Variants in PCDHGA2 observed in about 807,000 individuals in gnomAD.
The protein encoded by PCDHGA2 is protocadherin gamma subfamily A, 2.
PCDHGA2 carries 40 observed loss-of-function variants against 59.2 expected under a neutral mutation model. The observed-to-expected ratio is 0.68, with a 90% CI of 0.52 to 0.88. The LOEUF (loss-of-function observed/expected upper bound fraction) is 0.88. Among genes scored for constraint, PCDHGA2 ranks in the 40% least tolerant of loss-of-function variants. PCDHGA2 has a pLI of 0.00. For synonymous variants in PCDHGA2, 560 were observed against 526.0 expected (o/e 1.06, Z -0.89); for missense variants, 1,226 against 1,204.0 (o/e 1.02, Z -0.27).
At chr5:141,371,947 G>C in intron 1 of PCDHGA2, 1 of 1,613,300 alleles carries the variant, frequency 6.2e-7, no homozygotes, top group Non-Finnish European at 8.5e-7. Context: ...TTCGCGCAGC[G>C]AGCCTTCGAC....
At chr5:141,483,648 T>TTGTGTGTGTG (rs111458813) in intron 1 of PCDHGA2, among the ~76,000 whole-genome samples, 23 of 149,708 alleles carry the variant, frequency 1.5e-4, no homozygotes, top group African/African-American at 3.9e-4. Context: ...GGGTGTGTGT[T>TTGTGTGTGTG]TGTGTGTGTG....
chr5:141,353,837 G>A (rs1434826134), intron 1 of PCDHGA2, among the ~76,000 whole-genome samples: 1 of 152,124 alleles, frequency 6.6e-6, no homozygotes, highest in East Asian at 1.9e-4. Flanking sequence ...TGCGGTCTTT[G>A]AGGATTGTGA....
In PCDHGA2 at chr5:141,477,854, C is replaced by G; in HGVS notation, c.2425-16953C>G. 3.1e-6 allele frequency: 5 copies of G among 1,614,098 alleles called. No individual in the cohort carries two copies. Among genetic ancestry groups the G allele is most frequent in the Non-Finnish European group, 4.2e-6 (5 of 1,180,004 alleles). ...GCCAGGTGGGAGCTCGGTGGAGATG[C>G]TGCCTCGAGGTACCTCAGCTGGCCA... On this transcript the variant is annotated intron_variant, in intron 1 of 3. Transcript: ENST00000394576. This position sits in a 1 kb window ranked among gnomAD's most constrained non-coding sequence, Gnocchi z 4.9.
intron 1 of PCDHGA2, chr5:141,371,246 T>G: frequency 6.2e-7 from 1 of 1,614,006 alleles, no homozygotes; most frequent in South Asian, 1.1e-5. Flanking sequence ...TCATCAATAT[T>G]GGCAAGGAAG....
intron 1 of PCDHGA2, among the ~76,000 whole-genome samples, chr5:141,357,952 G>C (rs1760771820): frequency 6.6e-6 from 1 of 152,188 alleles, no homozygotes; most frequent in Non-Finnish European, 1.5e-5. Flanking sequence ...CACTTTGGGA[G>C]TGTGAGGAGG....
intron 1 of PCDHGA2, among the ~76,000 whole-genome samples, chr5:141,461,046 G>A (rs984653754): frequency 6.6e-6 from 1 of 151,578 alleles, no homozygotes; most frequent in Non-Finnish European, 1.5e-5. Context: ...AGTCGATGGG[G>A]ACTTAGGTTG....
At chr5:141,410,351 C>G in intron 1 of PCDHGA2, 1 of 1,614,066 alleles carries the variant, frequency 6.2e-7, no homozygotes. Flanking sequence ...GCGCCTGCGA[C>G]GCTCTCTCAG....
intron 1 of PCDHGA2, among the ~76,000 whole-genome samples, chr5:141,482,799 C>T (rs933003208): frequency 6.6e-6 from 1 of 152,086 alleles, no homozygotes; most frequent in Non-Finnish European, 1.5e-5. Flanking sequence ...TGGCCGGGTA[C>T]GGTGGCTCAT....
At chr5:141,428,081 C>G (rs768842388) in intron 1 of PCDHGA2, 3 of 1,609,218 alleles carry the variant, frequency 1.9e-6, no homozygotes, top group South Asian at 2.2e-5. Context: ...CGGGACACAA[C>G]GCTTGGCTGT....
At chr5:141,408,816 A>T in intron 1 of PCDHGA2, 1 of 1,613,562 alleles carries the variant, frequency 6.2e-7, no homozygotes, top group East Asian at 2.2e-5. Flanking sequence ...CGGGAAGAAC[A>T]GAGATCTCAT....
intron 1 of PCDHGA2, chr5:141,413,704 A>C (rs749988351): frequency 6.2e-7 from 1 of 1,613,616 alleles, no homozygotes; most frequent in South Asian, 1.1e-5. Flanking sequence ...CTATCAGCTC[A>C]GCCCCAATAA....
chr5:141,355,294 C>G, intron 1 of PCDHGA2: 1 of 1,613,896 alleles, frequency 6.2e-7, no homozygotes, highest in Non-Finnish European at 8.5e-7. Flanking sequence ...CGAACAGATT[C>G]TCTACTCGGT....
chr5:141,431,561 G>C lies in PCDHGA2; in HGVS notation c.2425-63246G>C. On this transcript the variant is annotated intron_variant, in intron 1 of 3. Transcript: ENST00000394576. The surrounding 1 kb of genome is among the most constrained non-coding windows in gnomAD (Gnocchi z 4.8). ...GCAGCTGCTTGTAGTCAACGCTACC[G>C]ACCCTGACGAAGGAGTCAATGCGGA... 6.2e-7 allele frequency: 1 copy of C among 1,614,146 alleles called. No homozygotes were observed. The highest frequency in any genetic ancestry group is 1.1e-5 in the South Asian group (1 of 91,080).
chr5:141,463,653 G>A (rs1378583183), intron 1 of PCDHGA2, among the ~76,000 whole-genome samples: 2 of 151,764 alleles, frequency 1.3e-5, no homozygotes, highest in Admixed American at 6.6e-5. Context: ...GGGTTTCACC[G>A]TGTTAGCCAG....
intron 1 of PCDHGA2, among the ~76,000 whole-genome samples, chr5:141,444,203 C>A (rs2098425806): frequency 1.3e-5 from 1 of 79,180 alleles, no homozygotes; most frequent in Admixed American, 2.0e-4. Context: ...TGGAGTTTCA[C>A]TCTTGTTGCC....
chr5:141,344,301 A>G (rs1757399190), intron 1 of PCDHGA2: 14 of 1,614,106 alleles, frequency 8.7e-6, no homozygotes, highest in Non-Finnish European at 1.0e-5. Context: ...CGCGGAGAGG[A>G]TAGACCGGGA....
chr5:141,482,661 T>A (rs1215403061), intron 1 of PCDHGA2, among the ~76,000 whole-genome samples: 2 of 151,742 alleles, frequency 1.3e-5, no homozygotes, highest in African/African-American at 4.9e-5. Flanking sequence ...TGAGCTATGA[T>A]CTAAAGGTTG....
At chr5:141,374,976 C>T (rs774690686) in intron 1 of PCDHGA2, 1 of 1,614,016 alleles carries the variant, frequency 6.2e-7, no homozygotes, top group South Asian at 1.1e-5. Context: ...AATGTTTTGA[C>T]TGGAGAAATT....
At chr5:141,343,366 A>G (rs1220264471) in intron 1 of PCDHGA2, 9 of 982,368 alleles carry the variant, frequency 9.2e-6, no homozygotes, top group African/African-American at 1.8e-5. Context: ...TTAAGAGTAT[A>G]GAGAGGGAAA....
Sources: allele counts gnomAD v4.1 joint callset (sites outside exome capture counted in the v4.1 genomes callset), GRCh38; gene constraint gnomAD v4.1.1; non-coding constraint Gnocchi (gnomAD v3.1); transcripts MANE v1.5; gene names NCBI Gene and HGNC (gene_info 2026-07-23, HGNC 2026-07-21).